The following SNTG2 variants were observed in gnomAD, a reference collection of about 807,000 sequenced individuals.
The protein encoded by SNTG2 is syntrophin gamma 2.
In SNTG2, 74 loss-of-function variants were observed where a neutral mutation model predicts 70.9. The ratio of observed to expected loss-of-function variants is 1.04; its 90% confidence interval spans 0.86 to 1.27. The LOEUF is 1.27. Among genes scored for constraint, SNTG2 ranks in the 50% most tolerant of loss-of-function variants. The pLI is 0.00. For synonymous variants in SNTG2, 278 were observed against 273.8 expected (o/e 1.02, Z -0.15); for missense variants, 717 against 690.7 (o/e 1.04, Z -0.43).
intron 13 of SNTG2, among the ~76,000 whole-genome samples, chr2:1,263,193 C>T (rs1323476294): frequency 1.3e-5 from 2 of 151,974 alleles, no homozygotes; most frequent in African/African-American, 2.4e-5. Context: ...TAAGGATATT[C>T]CTTAAATTAA....
chr2:1,180,801 A>T (rs531857672), intron 8 of SNTG2, among the ~76,000 whole-genome samples: 5 of 152,124 alleles, frequency 3.3e-5, no homozygotes, highest in African/African-American at 1.2e-4. Flanking sequence ...CACAATAGCG[A>T]AGACTTGGAA....
At chr2:1,002,509 G>A (rs1659428590) in intron 1 of SNTG2, among the ~76,000 whole-genome samples, 1 of 151,958 alleles carries the variant, frequency 6.6e-6, no homozygotes, top group Non-Finnish European at 1.5e-5. Flanking sequence ...AATGCTGAAC[G>A]ACACTGATCA....
intron 9 of SNTG2, among the ~76,000 whole-genome samples, chr2:1,211,600 G>A (rs1674047445): frequency 6.6e-6 from 1 of 152,148 alleles, no homozygotes; most frequent in Non-Finnish European, 1.5e-5. Flanking sequence ...ATGTCAGAAG[G>A]CAAAGGAGGA....
intron 1 of SNTG2, among the ~76,000 whole-genome samples, chr2:1,051,866 C>T (rs2148080798): frequency 6.6e-6 from 1 of 152,334 alleles, no homozygotes; most frequent in African/African-American, 2.4e-5. Context: ...CTCACAGAAT[C>T]CTGACATTCA....
chr2:959,302 T>G (rs529931196), intron 1 of SNTG2, among the ~76,000 whole-genome samples: 8 of 152,236 alleles, frequency 5.3e-5, no homozygotes, highest in Non-Finnish European at 8.8e-5. Context: ...TATGCAACTC[T>G]TCCTTATTGA....
chr2:1,307,796 T>G (rs1680769488), intron 14 of SNTG2, among the ~76,000 whole-genome samples: 1 of 152,224 alleles, frequency 6.6e-6, no homozygotes, highest in Admixed American at 6.5e-5. Context: ...GTTCACGGGC[T>G]CCGCAGCCTG....
At chr2:1,306,889 G>A (rs187048975) in intron 14 of SNTG2, among the ~76,000 whole-genome samples, 226 of 152,172 alleles carry the variant, frequency 1.5e-3, no homozygotes, top group African/African-American at 4.6e-3. Flanking sequence ...AGAGCTGTGC[G>A]CTGTGTGCCC....
At chr2:1,176,592 A>G (rs996425030) in intron 8 of SNTG2, among the ~76,000 whole-genome samples, 5 of 152,094 alleles carry the variant, frequency 3.3e-5, no homozygotes, top group South Asian at 4.1e-4. Context: ...TTTGCAATCT[A>G]TCTGTCTGAC....
chr2:1,073,869 C>G (rs1663740805), intron 1 of SNTG2, among the ~76,000 whole-genome samples: 1 of 152,154 alleles, frequency 6.6e-6, no homozygotes, highest in African/African-American at 2.4e-5. Flanking sequence ...AAAAGCGTGT[C>G]TCAGTATTTA....
rs1340812358 is a variant in SNTG2 at position 1,221,871 on chromosome 2, C to CTGTCTCTGTCTGTG, written c.719+12642_719+12643insGTCTCTGTCTGTGT. ...TGTCTCTGTCTCTGTCTCTGTCTCT[C>CTGTCTCTGTCTGTG]TCTCTCTCTGTCTCTGTCTGTGTCT... On this transcript the variant is annotated intron_variant, in intron 9 of 16. Coordinates refer to ENST00000308624, the MANE Select transcript of SNTG2 (RefSeq NM_018968.4). 2.1e-3 allele frequency among the ~76,000 whole-genome samples: 6 copies of CTGTCTCTGTCTGTG among 2,920 alleles called. 3 individuals are homozygous for CTGTCTCTGTCTGTG. Among genetic ancestry groups the CTGTCTCTGTCTGTG allele is most frequent in the African/African-American group, 4.3e-3 (2 of 464 alleles). The allele number at this position is 2,920 out of a possible 152,430, so 1.9% of individuals were successfully genotyped here.
chr2:1,307,435 C>CTGTGTGTGTGTG (rs35500323), intron 14 of SNTG2, among the ~76,000 whole-genome samples: 13 of 138,598 alleles, frequency 9.4e-5, no homozygotes, highest in African/African-American at 3.5e-4. Context: ...GAGCCGTGTA[C>CTGTGTGTGTGTG]TGTGTGTGTG....
At chr2:1,244,512 C>A (rs1032799323) in intron 11 of SNTG2, among the ~76,000 whole-genome samples, 1 of 151,772 alleles carries the variant, frequency 6.6e-6, no homozygotes. Flanking sequence ...CTGGCTAACA[C>A]GGTGAAACCC....
chr2:1,011,844 G>A (rs747487210), intron 1 of SNTG2, among the ~76,000 whole-genome samples: 4 of 152,090 alleles, frequency 2.6e-5, no homozygotes, highest in Non-Finnish European at 5.9e-5. Flanking sequence ...TAGTAGATGC[G>A]TATTAGTAAT....
intron 9 of SNTG2, among the ~76,000 whole-genome samples, chr2:1,218,712 T>TG (rs939625518): frequency 9.8e-5 from 15 of 152,298 alleles, no homozygotes; most frequent in African/African-American, 3.4e-4. Context: ...GATGTGCCCC[T>TG]GGGGAAGCAG....
chr2:1,211,599 G>T (rs1337349951), intron 9 of SNTG2, among the ~76,000 whole-genome samples: 1 of 152,180 alleles, frequency 6.6e-6, no homozygotes, highest in Non-Finnish European at 1.5e-5. Context: ...CATGTCAGAA[G>T]GCAAAGGAGG....
At chr2:1,171,836 C>T (rs1425995690) in intron 7 of SNTG2, among the ~76,000 whole-genome samples, 4 of 152,146 alleles carry the variant, frequency 2.6e-5, no homozygotes, top group Non-Finnish European at 4.4e-5. Context: ...CATGGTAACT[C>T]GCTGAACGTT....
chr2:1,331,570 TTGTGGGTCTGAGAGTCCCA>T (rs1659530997), intron 16 of SNTG2, among the ~76,000 whole-genome samples: 1 of 152,170 alleles, frequency 6.6e-6, no homozygotes, highest in African/African-American at 2.4e-5. Flanking sequence ...CTTATGAAGT[TTGTGGGTCTGAGAGTCCCA>T]CCCAATGGAA....
chr2:1,058,668 A>G (rs774292306), intron 1 of SNTG2, among the ~76,000 whole-genome samples: 1 of 152,206 alleles, frequency 6.6e-6, no homozygotes, highest in Non-Finnish European at 1.5e-5. Flanking sequence ...GGGGACCTGC[A>G]TGGGAGTAGC....
At chr2:1,053,205 T>G (rs1378455494) in intron 1 of SNTG2, among the ~76,000 whole-genome samples, 1 of 152,202 alleles carries the variant, frequency 6.6e-6, no homozygotes, top group Non-Finnish European at 1.5e-5. Flanking sequence ...GCTTTTCAGA[T>G]CAGTGCAATG....
Sources: allele counts gnomAD v4.1 joint callset (sites outside exome capture counted in the v4.1 genomes callset), GRCh38; gene constraint gnomAD v4.1.1; transcripts MANE v1.5; gene names NCBI Gene and HGNC (gene_info 2026-07-23, HGNC 2026-07-21).